The following CREBBP variants were observed in gnomAD, a reference collection of about 807,000 sequenced individuals.
CREBBP encodes CREB-binding protein.
CREBBP carries 19 observed loss-of-function variants against 265.0 expected under a neutral mutation model. That is an observed-to-expected ratio of 0.07 (90% CI 0.05 to 0.11). The LOEUF (loss-of-function observed/expected upper bound fraction) is 0.11. CREBBP is among the 10% of genes least tolerant of loss of function. The pLI is 1.00. For synonymous variants in CREBBP, 1,457 were observed against 1,223.7 expected (o/e 1.19, Z -3.98); for missense variants, 2,525 against 3,219.0 (o/e 0.78, Z 5.22).
chr16:3,825,329 T>A (rs75036568), intron 2 of CREBBP, among the ~76,000 whole-genome samples: 1 of 152,200 alleles, frequency 6.6e-6, no homozygotes, highest in Non-Finnish European at 1.5e-5. Context: ...AAAAATGCAA[T>A]CCCTGCAATC....
intron 26 of CREBBP, 62 bp downstream of exon 26, chr16:3,738,497 A>G: frequency 1.0e-6 from 1 of 992,198 alleles, no homozygotes; most frequent in South Asian, 1.3e-5. Flanking sequence ...ATTTCACGGA[A>G]TAAACATACA....
Position 3,725,323 on chromosome 16 carries a change from G to A in CREBBP, c.*2395C>T, listed in dbSNP as rs538167515. 1.3e-5 allele frequency: 3 copies of A among 233,254 alleles called. No individual in the cohort carries two copies. The highest frequency in any genetic ancestry group is 3.6e-4 in the South Asian group (2 of 5,524). 14.4% of individuals were successfully genotyped at this position (233,254 alleles called of 1,614,324 possible). A position where few individuals can be genotyped will look rare whatever the true frequency, so the allele number is the denominator to read the frequency against. ...GCAGACTCCAAAGAGGATGAGGTTG[G>A]TACATAACGTTTTGAATTCCAGGAT... On this transcript the variant is annotated 3_prime_UTR_variant, in exon 31 of 31. Transcript: ENST00000262367.
chr16:3,747,217 C>G (rs1194792697), intron 21 of CREBBP, among the ~76,000 whole-genome samples: 1 of 152,142 alleles, frequency 6.6e-6, no homozygotes, highest in African/African-American at 2.4e-5. Flanking sequence ...TTCAGTTCAC[C>G]TCATAGACCA....
chr16:3,818,028 G>A (rs2054070645), intron 2 of CREBBP, among the ~76,000 whole-genome samples: 1 of 152,152 alleles, frequency 6.6e-6, no homozygotes, highest in Non-Finnish European at 1.5e-5. Flanking sequence ...TCCACTTCCA[G>A]AGACATCAAC....
At chr16:3,798,973 T>C (rs925613620) in intron 3 of CREBBP, among the ~76,000 whole-genome samples, 4 of 152,098 alleles carry the variant, frequency 2.6e-5, no homozygotes, top group Non-Finnish European at 5.9e-5. Flanking sequence ...ACACGGTGTA[T>C]AACCAAAACG....
intron 2 of CREBBP, among the ~76,000 whole-genome samples, chr16:3,846,965 A>C (rs926062921): frequency 2.0e-5 from 3 of 152,358 alleles, no homozygotes; most frequent in Non-Finnish European, 4.4e-5. Flanking sequence ...TTCTAAAAAC[A>C]AACTTTAAAC....
chr16:3,769,434 A>C (rs2052945156), intron 14 of CREBBP, 81 bp from the exon 15 acceptor site: 3 of 1,530,348 alleles, frequency 2.0e-6, no homozygotes. Context: ...TGCAACCTAC[A>C]ATTTCCCATT....
intron 3 of CREBBP, 92 bp from the exon 4 acceptor site, chr16:3,793,718 T>C: frequency 5.6e-6 from 8 of 1,440,230 alleles, no homozygotes; most frequent in Non-Finnish European, 7.6e-6. Context: ...CAAAAGCTGA[T>C]GGATAATACC....
chr16:3,827,858 T>C (rs1490820719), intron 2 of CREBBP, among the ~76,000 whole-genome samples: 1 of 152,120 alleles, frequency 6.6e-6, no homozygotes. Flanking sequence ...ACCCAGCTAA[T>C]TTTTAAAATG....
Position 3,769,283 on chromosome 16 carries a change from T to C in CREBBP, c.2951A>G (p.Asn984Ser), listed in dbSNP as rs150923988. 167 of 1,614,048 alleles carry C rather than the reference T, an allele frequency of 1.0e-4. No homozygotes were observed. Among genetic ancestry groups the C allele is most frequent in the Non-Finnish European group, 1.4e-4 (162 of 1,180,036 alleles). The change falls in exon 15 of 31, where the codon AAT becomes AGT. Residue 984 changes from asparagine to serine, a missense_variant. By Grantham distance (46) the Asn-to-Ser change is conservative. This residue lies in a region of CREBBP where 548 missense variants were observed against 533.0 expected (regional missense o/e 1.03). Transcript: ENST00000262367. ...TPSSVASAET[N>S]SQQPGPDVPV... is the part of the protein sequence containing the mutation. The stretch of plus-strand genomic sequence containing the variant: ...TACGTCAGGTCCTGGCTGCTGGGAA[T>C]TGGTTTCTGCGCTGGCCACCGAGGA...
rs563198584 is a variant in CREBBP, at chr16:3,776,697, C to G, written c.2158+916G>C. Among the ~76,000 whole-genome samples the G allele has an allele frequency of 3.3e-5, 5 of 152,254 alleles. No homozygotes were observed. In the South Asian group the frequency reaches 1.0e-3, roughly 32 times the overall value. On this transcript the variant is annotated intron_variant, in intron 11 of 30. Coordinates refer to ENST00000262367, the MANE Select transcript of CREBBP (RefSeq NM_004380.3). Reference sequence around the variant, plus strand: ...CTCTTCCTAAGAGTAACGTACCACACCCCCTTCACCATCCATTAAAAAAAT... The same window carrying G: ...CTCTTCCTAAGAGTAACGTACCACAGCCCCTTCACCATCCATTAAAAAAAT...
At chr16:3,812,199 G>T (rs569987310) in intron 2 of CREBBP, among the ~76,000 whole-genome samples, 2 of 152,164 alleles carry the variant, frequency 1.3e-5, no homozygotes, top group African/African-American at 2.4e-5. Context: ...TATATTTTTT[G>T]AGAGTGTGTC....
chr16:3,852,187 CAG>C (rs1237028083), intron 1 of CREBBP, among the ~76,000 whole-genome samples: 4 of 77,780 alleles, frequency 5.1e-5, no homozygotes, highest in African/African-American at 1.5e-4. Context: ...TTTTTTGAGA[CAG>C]AGTCTCGCTC....
chr16:3,824,132 G>A (rs1460103231), intron 2 of CREBBP, among the ~76,000 whole-genome samples: 1 of 152,240 alleles, frequency 6.6e-6, no homozygotes, highest in African/African-American at 2.4e-5. Context: ...CGGTTAACAG[G>A]TGCCACCAAC....
At chr16:3,794,001 G>C (rs1245795329) in intron 3 of CREBBP, among the ~76,000 whole-genome samples, 1 of 152,242 alleles carries the variant, frequency 6.6e-6, no homozygotes, top group East Asian at 1.9e-4. Context: ...CCAAACACTG[G>C]CAATTTCATA....
intron 2 of CREBBP, among the ~76,000 whole-genome samples, chr16:3,838,958 G>T (rs1437038131): frequency 1.3e-5 from 2 of 152,102 alleles, no homozygotes; most frequent in African/African-American, 4.8e-5. Flanking sequence ...ACAGCACCTC[G>T]CTAGTTCACT....
At chr16:3,857,410 T>C (rs2054986179) in intron 1 of CREBBP, among the ~76,000 whole-genome samples, 1 of 152,220 alleles carries the variant, frequency 6.6e-6, no homozygotes, top group African/African-American at 2.4e-5. Context: ...GCACACGTAG[T>C]CGTACCATCA....
chr16:3,817,212 AAAACCCT>A (rs2054055372), intron 2 of CREBBP, among the ~76,000 whole-genome samples: 2 of 152,168 alleles, frequency 1.3e-5, no homozygotes, highest in African/African-American at 4.8e-5. Flanking sequence ...TTGGGCCAGG[AAAACCCT>A]GACTTTGGTA....
chr16:3,773,422 C>T (rs1414925202), intron 13 of CREBBP, among the ~76,000 whole-genome samples: 11 of 152,206 alleles, frequency 7.2e-5, no homozygotes. Context: ...TAATGCCTCT[C>T]AGGGTCACGT....
Sources: gnomAD v4.1 joint callset for allele counts (sites outside exome capture counted in the v4.1 genomes callset) on GRCh38, gnomAD v4.1.1 for gene constraint, gnomAD v4.1.1 regional missense constraint, MANE v1.5 for transcripts, NCBI Gene and HGNC (gene_info 2026-07-23, HGNC 2026-07-21) for gene names.